Variants in ZNF534 observed in about 807,000 individuals in gnomAD.
The protein encoded by ZNF534 is KRAB domain only 3.
In ZNF534, 19 loss-of-function variants were observed where a neutral mutation model predicts 13.6. That is an observed-to-expected ratio of 1.40 (90% confidence interval 0.97 to 2.05). The LOEUF (loss-of-function observed/expected upper bound fraction) is 2.05. ZNF534 is among the 30% of genes most tolerant of loss of function. The probability of loss-of-function intolerance (pLI) is 0.00; values close to 1 mark genes in which losing one functional copy is unlikely to be tolerated. For synonymous variants in ZNF534, 244 were observed against 273.8 expected, an observed-to-expected ratio of 0.89 and a Z score of 1.07; for missense variants, 782 against 796.3, an observed-to-expected ratio of 0.98 and a Z score of 0.22.
chr19:52,432,900 G>A (rs2059097968), intron 2 of ZNF534, among the ~76,000 whole-genome samples: 1 of 152,046 alleles, frequency 6.6e-6, no homozygotes, highest in Non-Finnish European at 1.5e-5. Flanking sequence ...AAAGTGCTGG[G>A]ATTACAGGTG....
At chr19:52,445,355 C>T (rs1327311374), downstream of ZNF534, among the ~76,000 whole-genome samples, 2 of 152,116 alleles carry the variant, frequency 1.3e-5, no homozygotes, top group African/African-American at 2.4e-5. Context: ...TGCCACCATG[C>T]CTGGCTAATT....
At chr19:52,444,798 G>A (rs1396310493), downstream of ZNF534, among the ~76,000 whole-genome samples, 2 of 152,078 alleles carry the variant, frequency 1.3e-5, no homozygotes, top group Admixed American at 6.5e-5. Context: ...GGTAGTCATA[G>A]GCCTCACCCA....
Position 52,433,964 on chromosome 19 carries a change from T to C in ZNF534, c.25T>C (p.Ser9Pro). The change falls in exon 3 of 5, where the codon TCA becomes CCA. Residue 9 changes from serine to proline, a missense_variant. Coordinates refer to ENST00000433050, the MANE Select transcript of ZNF534 (RefSeq NM_001143938.3). Reference sequence around the variant, plus strand: ...GTGGATTTCCTTTTAGGGGCAATTGTCATTCAGCGATGTGGCCATAGAATT... The same window carrying C: ...GTGGATTTCCTTTTAGGGGCAATTGCCATTCAGCGATGTGGCCATAGAATT... MALTQGQL[S>P]FSDVAIEFSQ... is the part of the protein sequence containing the mutation. 6.2e-7 allele frequency: 1 copy of C among 1,613,988 alleles called. No individual in the cohort carries two copies. Among genetic ancestry groups the C allele is most frequent in the Non-Finnish European group, 8.5e-7 (1 of 1,179,900 alleles).
At chr19:52,450,050 G>A (rs1412185084) in intron 4 of ZNF534, among the ~76,000 whole-genome samples, 1 of 152,126 alleles carries the variant, frequency 6.6e-6, no homozygotes, top group African/African-American at 2.4e-5. Flanking sequence ...TGATGTTTGA[G>A]TTTCTTATAT....
chr19:52,439,524 A>G lies in ZNF534; in HGVS notation c.*78A>G. On this transcript the variant is annotated 3_prime_UTR_variant, in exon 5 of 5. Transcript: ENST00000433050. Reference sequence around the variant, plus strand: ...TTTGGGAGTCCGAGGCAGGTGGATCATGAGGTCAGGAGATTGAGACCATCC... The same window carrying G: ...TTTGGGAGTCCGAGGCAGGTGGATCGTGAGGTCAGGAGATTGAGACCATCC... 7.5e-7 allele frequency: 1 copy of G among 1,330,284 alleles called. No individual in the cohort carries two copies. 82.4% of individuals were successfully genotyped at this position (1,330,284 alleles called of 1,614,324 possible). A position where few individuals can be genotyped will look rare whatever the true frequency, so the allele number is the denominator to read the frequency against.
In ZNF534 at chr19:52,440,834, G is replaced by A. The variant is rs745325730; in HGVS notation, c.*1388G>A. ...GAAGCGTTACAAATGTAATGAATGC[G>A]GCAGAGCATTGAGAAGGTGTTCAGG... On this transcript the variant is annotated 3_prime_UTR_variant, in exon 5 of 5. Coordinates refer to ENST00000433050, the MANE Select transcript of ZNF534 (RefSeq NM_001143938.3). 8.6e-5 allele frequency among the ~76,000 whole-genome samples: 13 copies of A among 151,448 alleles called. No homozygotes were observed. Among genetic ancestry groups the A allele is most frequent in the Non-Finnish European group, 1.2e-4 (8 of 67,892 alleles).
At chr19:52,435,340 G>C in intron 4 of ZNF534, 131 bp downstream of exon 4, 1 of 1,101,176 alleles carries the variant, frequency 9.1e-7, no homozygotes, top group Non-Finnish European at 1.2e-6. Flanking sequence ...GGACTTAAGG[G>C]ATCCTTCTGG....
At position 52,435,087 on chromosome 19, in the gene ZNF534, G is replaced by C. The variant is rs779621028; in HGVS notation, c.149G>C (p.Cys50Ser). 1 of 1,611,578 alleles carries C rather than the reference G, an allele frequency of 6.2e-7. No homozygotes were observed. Among genetic ancestry groups the C allele is most frequent in the African/African-American group, 1.3e-5 (1 of 74,840 alleles). ...TCTTTCTTTTTGTAAGTAGGAATCT[G>C]TCTTCCTGACCTGAGTGTTACCTCC... ...NYRNLVSLGI[C>S]LPDLSVTSML... The change falls in exon 4 of 5, where the codon TGT becomes TCT. Residue 50 changes from cysteine to serine, a missense_variant. By Grantham distance (112) the Cys-to-Ser change is moderately radical. Transcript: ENST00000433050.
In ZNF534 at chr19:52,438,036, G is replaced by A. The variant is rs1477293377; in HGVS notation, c.576G>A (p.Gly192=). The A allele has an allele frequency of 1.2e-6, 2 of 1,613,992 alleles. No homozygotes were observed. Among genetic ancestry groups the A allele is most frequent in the Non-Finnish European group, 1.7e-6 (2 of 1,180,026 alleles). The change falls in exon 5 of 5, where the codon GGG becomes GGA. Residue 192 remains glycine, a synonymous_variant. Transcript: ENST00000433050. ...REKPYGCNEH[G]KVFRVSSSLT... is the part of the protein sequence containing the mutation. ...AGCCTTATGGATGTAATGAGCATGG[G>A]AAAGTCTTCAGAGTGTCTTCAAGCC...
intron 4 of ZNF534, among the ~76,000 whole-genome samples, chr19:52,447,700 T>C (rs2059199251): frequency 6.6e-6 from 1 of 152,012 alleles, no homozygotes; most frequent in Non-Finnish European, 1.5e-5. Context: ...ATTTTTTTCT[T>C]CTCATAACGC....
At position 52,439,627 on chromosome 19, in the gene ZNF534, C is replaced by G. The variant is rs2059158870; in HGVS notation, c.*181C>G. On this transcript the variant is annotated 3_prime_UTR_variant, in exon 5 of 5. Transcript: ENST00000433050. ...AAAAAAAATTAGCTGGGTGTGGTGG[C>G]AGGCACCTGTAGTCCCAGCTACTCA... Among the ~76,000 whole-genome samples the G allele has an allele frequency of 6.6e-6, 1 of 151,060 alleles. No homozygotes were observed. The highest frequency in any genetic ancestry group is 2.1e-4 in the South Asian group (1 of 4,776).
chr19:52,451,414 G>A (rs1373556553), exon 5 of ZNF534: 3 of 734,090 alleles, frequency 4.1e-6, no homozygotes, highest in South Asian at 3.0e-5. Flanking sequence ...GGCCGGGCCC[G>A]CCCCTCGGCC....
At position 52,437,808 on chromosome 19, in the gene ZNF534, T is replaced by G; in HGVS notation, c.348T>G (p.His116Gln). Residue 116 changes from histidine (H) to glutamine (Q), a missense_variant, in exon 5 of 5, where the codon CAT (histidine) becomes CAG (glutamine). By Grantham distance (24) the His-to-Gln change is conservative (BLOSUM62 0). Transcript: ENST00000433050. The stretch of plus-strand genomic sequence containing the variant: ...AACATGGATTAACTCTTCAGTTACA[T>G]CTGACTGAATGGCAGCCATTTCAAG... ...KNQHGLTLQL[H>Q]LTEWQPFQAV... 1 of 1,613,356 alleles carries G rather than the reference T, an allele frequency of 6.2e-7. No individual in the cohort carries two copies. The highest frequency in any genetic ancestry group is 8.5e-7 in the Non-Finnish European group (1 of 1,179,544).
At chr19:52,444,340 C>T (rs2059186818), downstream of ZNF534, among the ~76,000 whole-genome samples, 1 of 152,172 alleles carries the variant, frequency 6.6e-6, no homozygotes, top group African/African-American at 2.4e-5. Context: ...GCACAGAGTC[C>T]TGTGATACGA....
chr19:52,442,777 C>G (rs1295747067), downstream of ZNF534, among the ~76,000 whole-genome samples: 1 of 152,194 alleles, frequency 6.6e-6, no homozygotes, highest in Non-Finnish European at 1.5e-5. Context: ...AGCTGAGGAT[C>G]ACTTCTATTC....
At chr19:52,436,788 T>G (rs957507074) in intron 4 of ZNF534, among the ~76,000 whole-genome samples, 3 of 152,212 alleles carry the variant, frequency 2.0e-5, no homozygotes, top group Non-Finnish European at 4.4e-5. Flanking sequence ...TCTGTTCTCT[T>G]GTTTTTAATG....
rs114655863 is a variant in ZNF534, at chr19:52,440,368, G to T, written c.*922G>T. Among the ~76,000 whole-genome samples the T allele has an allele frequency of 0.036, 5,498 of 152,246 alleles. 338 individuals carry two copies. The highest frequency in any genetic ancestry group is 0.12 in the African/African-American group (5,170 of 41,510). ...AGAGAAACCTTACAAATGAATGACA[G>T]CATCTTCAAATAAAATGCACATCTG... On this transcript the variant is annotated 3_prime_UTR_variant, in exon 5 of 5. Coordinates refer to ENST00000433050, the MANE Select transcript of ZNF534 (RefSeq NM_001143938.3).
At chr19:52,449,902 C>T (rs919160457) in intron 4 of ZNF534, among the ~76,000 whole-genome samples, 3 of 152,042 alleles carry the variant, frequency 2.0e-5, no homozygotes, top group Non-Finnish European at 4.4e-5. Flanking sequence ...TGCTTGTAAT[C>T]CCAGCTACTT....
chr19:52,450,678 T>TG (rs1568450477), intron 4 of ZNF534, among the ~76,000 whole-genome samples: 6 of 36,602 alleles, frequency 1.6e-4, no homozygotes. Flanking sequence ...GAGTTTTTTT[T>TG]TTTTTTGTTT....
Sources: gnomAD v4.1 joint callset for allele counts (sites outside exome capture counted in the v4.1 genomes callset) on GRCh38, gnomAD v4.1.1 for gene constraint, MANE v1.5 for transcripts, NCBI Gene and HGNC (gene_info 2026-07-23, HGNC 2026-07-21) for gene names.